IFNAR1: variants seen among roughly 807,000 people sequenced by gnomAD.
IFNAR1 encodes the protein interferon alpha and beta receptor subunit 1.
Under a neutral mutation model 62.1 loss-of-function variants are expected in IFNAR1, and 47 were observed. The observed-to-expected ratio is 0.76, with a 90% CI of 0.60 to 0.97. The LOEUF (loss-of-function observed/expected upper bound fraction) is 0.97. Among genes scored for constraint, IFNAR1 ranks in the 50% least tolerant of loss-of-function variants. IFNAR1 has a pLI of 0.00. For missense variants in IFNAR1, 638 were observed against 654.5 expected (o/e 0.97, Z 0.27); for synonymous variants, 219 against 226.9 (o/e 0.97, Z 0.31).
Position 33,350,411 on chromosome 21 carries a change from C to T in IFNAR1, c.1143+868C>T, listed in dbSNP as rs186467173. ...CCAAAACCATTGGAAAGCATTCTTC[C>T]AAAGTTCAGCTTTGCCCAACAAAAT... On this transcript the variant is annotated intron_variant, in intron 8 of 10. Transcript: ENST00000270139. Among the ~76,000 whole-genome samples the T allele has an allele frequency of 2.7e-3, 405 of 152,064 alleles. 3 individuals carry two copies. The highest frequency in any genetic ancestry group is 1.7e-3 in the Non-Finnish European group (117 of 68,010).
At chr21:33,331,952 T>A (rs767765814) in intron 1 of IFNAR1, among the ~76,000 whole-genome samples, 1 of 152,176 alleles carries the variant, frequency 6.6e-6, no homozygotes. Context: ...CCTGGCTCTG[T>A]GAGCAACTAC....
At chr21:33,332,265 G>A (rs2083188416) in intron 1 of IFNAR1, among the ~76,000 whole-genome samples, 1 of 152,100 alleles carries the variant, frequency 6.6e-6, no homozygotes, top group Non-Finnish European at 1.5e-5. Context: ...AGGCCCCTGA[G>A]GCACCCATTT....
At chr21:33,326,245 C>T (rs1263203478) in intron 1 of IFNAR1, among the ~76,000 whole-genome samples, 1 of 146,552 alleles carries the variant, frequency 6.8e-6, no homozygotes, top group Non-Finnish European at 1.5e-5. Flanking sequence ...CAGCCTGTTG[C>T]CCAGGCTGGT....
chr21:33,342,894 A>G (rs1306790339), intron 3 of IFNAR1, among the ~76,000 whole-genome samples: 3 of 147,836 alleles, frequency 2.0e-5, no homozygotes, highest in Non-Finnish European at 4.5e-5. Context: ...TCTCAAGGTC[A>G]CAGCAGCCTC....
Position 33,357,336 on chromosome 21 carries a change from C to CGGCACATCCTGCCT in IFNAR1, c.*1795_*1808dup, listed in dbSNP as rs1277408107. On this transcript the variant is annotated 3_prime_UTR_variant, in exon 11 of 11. Coordinates refer to ENST00000270139, the MANE Select transcript of IFNAR1 (RefSeq NM_000629.3). ...CTGCCCTCGGGAGGGCTGTGATGCTCGGCACATCCTGCCTGGCACATACAC... is the reference window on the plus strand; with the variant it reads ...CTGCCCTCGGGAGGGCTGTGATGCTCGGCACATCCTGCCTGGCACATCCTGCCTGGCACATACAC... The CGGCACATCCTGCCT allele has an allele frequency of 1.3e-5, 2 of 152,188 alleles. No individual in the cohort carries two copies. Among genetic ancestry groups the CGGCACATCCTGCCT allele is most frequent in the Non-Finnish European group, 2.9e-5 (2 of 68,090 alleles). The allele number at this position is 152,188 out of a possible 1,614,324, so 9.4% of individuals were successfully genotyped here.
Position 33,355,543 on chromosome 21 carries a change from T to A in IFNAR1, c.1668T>A (p.Phe556Leu). 1 of 1,554,800 alleles carries A rather than the reference T, an allele frequency of 6.4e-7. No individual in the cohort carries two copies. Among genetic ancestry groups the A allele is most frequent in the Non-Finnish European group, 8.8e-7 (1 of 1,140,984 alleles). ...CAAGTGAAGAACTACAGCAGGACTT[T>A]GTATGACCAGAAATGAACTGTGTCA... Reference protein sequence around the residue: ...SKTSEELQQDFV With the variant: ...SKTSEELQQDLV The change falls in exon 11 of 11, where the codon TTT (phenylalanine) becomes TTA (leucine). Residue 556 changes from phenylalanine (F) to leucine (L), a missense_variant. By Grantham distance (22) the Phe-to-Leu change is conservative. Transcript: ENST00000270139.
At chr21:33,326,424 C>T (rs200931448) in intron 1 of IFNAR1, among the ~76,000 whole-genome samples, 4 of 152,062 alleles carry the variant, frequency 2.6e-5, no homozygotes, top group African/African-American at 7.2e-5. Context: ...AGGCTGGTCT[C>T]GAACTCCTGA....
chr21:33,324,742 A>C (rs967282829), upstream of IFNAR1: 2 of 424,112 alleles, frequency 4.7e-6, no homozygotes, highest in Non-Finnish European at 8.7e-6. Flanking sequence ...GGAAAGAGTG[A>C]GGAAGAAGAG....
At chr21:33,326,855 T>G (rs980156109) in intron 1 of IFNAR1, among the ~76,000 whole-genome samples, 1 of 152,118 alleles carries the variant, frequency 6.6e-6, no homozygotes, top group Non-Finnish European at 1.5e-5. Flanking sequence ...GCTAATTTGC[T>G]GAAATTCTTC....
chr21:33,350,875 T>TA (rs2083391326), intron 8 of IFNAR1, among the ~76,000 whole-genome samples: 2 of 152,228 alleles, frequency 1.3e-5, no homozygotes, highest in South Asian at 4.1e-4. Context: ...TGTGTAACCT[T>TA]ACGTACGCAG....
At chr21:33,341,303 C>T (rs2083290833) in intron 3 of IFNAR1, 129 bp downstream of exon 3, 1 of 631,538 alleles carries the variant, frequency 1.6e-6, no homozygotes, top group Non-Finnish European at 2.6e-6. Flanking sequence ...TCCCTTAAAC[C>T]TATATCTTCT....
rs2083448788 is a variant in IFNAR1, at chr21:33,356,386, T to TAAC, written c.*837_*838insAAC. The TAAC allele has an allele frequency of 6.6e-6, 1 of 152,212 alleles. No homozygotes were observed. 9.4% of individuals were successfully genotyped at this position (152,212 alleles called of 1,614,324 possible). On this transcript the variant is annotated 3_prime_UTR_variant, in exon 11 of 11. Coordinates refer to ENST00000270139, the MANE Select transcript of IFNAR1 (RefSeq NM_000629.3). The stretch of plus-strand genomic sequence containing the variant: ...AAGTCTGAACACGTTATCACTTGGT[T>TAAC]TTCTGGAAAGTAGCTTACCCTAGAA...
intron 2 of IFNAR1, among the ~76,000 whole-genome samples, chr21:33,340,506 G>T (rs1270457154): frequency 6.6e-6 from 1 of 151,394 alleles, no homozygotes; most frequent in Non-Finnish European, 1.5e-5. Context: ...CTGTGGGCAT[G>T]TGCCACCATG....
chr21:33,325,891 G>C (rs989826742), intron 1 of IFNAR1, among the ~76,000 whole-genome samples: 3 of 152,322 alleles, frequency 2.0e-5, no homozygotes, highest in Middle Eastern at 3.4e-3. Context: ...GAGAAGATAA[G>C]CTTGTAATTG....
intron 5 of IFNAR1, among the ~76,000 whole-genome samples, chr21:33,344,634 A>G (rs1257994767): frequency 6.6e-6 from 1 of 152,110 alleles, no homozygotes; most frequent in Non-Finnish European, 1.5e-5. Flanking sequence ...ATTACAAAAT[A>G]AAATCTTACT....
intron 10 of IFNAR1, among the ~76,000 whole-genome samples, chr21:33,354,971 A>G (rs554383401): frequency 1.3e-5 from 2 of 152,098 alleles, no homozygotes; most frequent in Non-Finnish European, 2.9e-5. Flanking sequence ...TGTGTTGGAT[A>G]CAAACATTTT....
Position 33,357,600 on chromosome 21 carries a change from A to G in IFNAR1, c.*2051A>G, listed in dbSNP as rs1007183686. The G allele has an allele frequency of 6.7e-6, 1 of 148,816 alleles. No homozygotes were observed. Among genetic ancestry groups the G allele is most frequent in the Non-Finnish European group, 1.5e-5 (1 of 67,826 alleles). The allele number at this position is 148,816 out of a possible 1,614,324, so 9.2% of individuals were successfully genotyped here. A position where few individuals can be genotyped will look rare whatever the true frequency, so the allele number is the denominator to read the frequency against. On this transcript the variant is annotated 3_prime_UTR_variant, in exon 11 of 11. Transcript: ENST00000270139. Reference sequence around the variant, plus strand: ...GAGTGCAGTGGCTTGATCTCGGCTCACTGCAACCTCGCCTCCCGGGTTCAA... The same window carrying G: ...GAGTGCAGTGGCTTGATCTCGGCTCGCTGCAACCTCGCCTCCCGGGTTCAA...
rs137868943 is a variant in IFNAR1 at position 33,346,761 on chromosome 21, G to A, written c.788+1401G>A. Among the ~76,000 whole-genome samples the A allele has an allele frequency of 2.7e-4, 41 of 152,286 alleles. No individual in the cohort carries two copies. The East Asian group carries it at 7.5e-3, about 28-fold the overall frequency. On this transcript the variant is annotated intron_variant, in intron 6 of 10. Transcript: ENST00000270139. ...TATAAGGGTTGCAGAAATTGAAAATGTAAAGGTGAATAGGGGCTAAAGAGA... is the reference window on the plus strand; with the variant it reads ...TATAAGGGTTGCAGAAATTGAAAATATAAAGGTGAATAGGGGCTAAAGAGA...
chr21:33,336,883 TG>T (rs1397423999), intron 2 of IFNAR1, among the ~76,000 whole-genome samples: 1 of 151,678 alleles, frequency 6.6e-6, no homozygotes, highest in Non-Finnish European at 1.5e-5. Context: ...CTCGAGTAGC[TG>T]GGATTGCAAG....
Sources: gnomAD v4.1 joint callset for allele counts (sites outside exome capture counted in the v4.1 genomes callset) on GRCh38, gnomAD v4.1.1 for gene constraint, MANE v1.5 for transcripts, NCBI Gene and HGNC (gene_info 2026-07-23, HGNC 2026-07-21) for gene names.